Variants in MROH9 observed in about 807,000 individuals in gnomAD.
MROH9 encodes maestro heat like repeat family member 9.
MROH9 carries 92 observed loss-of-function variants against 98.2 expected under a neutral mutation model. The observed-to-expected ratio is 0.94, with a 90% CI of 0.79 to 1.11. The LOEUF is 1.11. Among genes scored for constraint, MROH9 ranks in the 50% most tolerant of loss-of-function variants. MROH9 has a pLI of 0.00. For synonymous variants in MROH9, 397 were observed against 368.9 expected, an observed-to-expected ratio of 1.08 and a Z score of -0.87; for missense variants, 1,057 against 1,014.8, an observed-to-expected ratio of 1.04 and a Z score of -0.57.
chr1:170,963,314 A>G (rs534470013), intron 6 of MROH9, among the ~76,000 whole-genome samples: 3 of 152,300 alleles, frequency 2.0e-5, no homozygotes, highest in African/African-American at 7.2e-5. Context: ...ACTATTCTTA[A>G]AAAGTCAAAA....
intron 3 of MROH9, among the ~76,000 whole-genome samples, chr1:170,949,356 A>G (rs1200751634): frequency 6.6e-6 from 1 of 152,064 alleles, no homozygotes; most frequent in Non-Finnish European, 1.5e-5. Flanking sequence ...AGGTGTATCT[A>G]GAATGAAGAC....
At chr1:171,005,071 T>C (rs1651910934) in intron 15 of MROH9, among the ~76,000 whole-genome samples, 1 of 152,070 alleles carries the variant, frequency 6.6e-6, no homozygotes, top group Non-Finnish European at 1.5e-5. Flanking sequence ...GGTATAGACA[T>C]TTTTATTTTT....
chr1:171,045,941 C>CT (rs1473592212), intron 20 of MROH9, among the ~76,000 whole-genome samples: 4 of 152,128 alleles, frequency 2.6e-5, no homozygotes, highest in African/African-American at 4.8e-5. Flanking sequence ...CTCTTTCACT[C>CT]TAATAGTATT....
chr1:170,992,621 G>C (rs1651402168), intron 12 of MROH9, among the ~76,000 whole-genome samples: 2 of 152,156 alleles, frequency 1.3e-5, no homozygotes, highest in Admixed American at 6.5e-5. Context: ...GCAAGGTTTA[G>C]GTAAGTTGGT....
At chr1:170,985,968 A>G (rs1478517714) in intron 9 of MROH9, among the ~76,000 whole-genome samples, 1 of 151,344 alleles carries the variant, frequency 6.6e-6, no homozygotes, top group Non-Finnish European at 1.5e-5. Context: ...TTTTTTCCAT[A>G]TAAAGGCAAA....
intron 3 of MROH9, among the ~76,000 whole-genome samples, chr1:170,950,676 T>C (rs1349014706): frequency 6.6e-6 from 1 of 152,142 alleles, no homozygotes; most frequent in African/African-American, 2.4e-5. Context: ...CATGCATGTG[T>C]ATTACCTTTT....
chr1:171,053,372 G>T (rs919973629), intron 20 of MROH9, among the ~76,000 whole-genome samples: 11 of 152,306 alleles, frequency 7.2e-5, no homozygotes, highest in Middle Eastern at 3.4e-3. Flanking sequence ...CATCCTAGGA[G>T]AAAGAGTAAA....
chr1:171,026,037 A>G (rs754724740), intron 20 of MROH9, among the ~76,000 whole-genome samples: 6 of 152,178 alleles, frequency 3.9e-5, no homozygotes, highest in Non-Finnish European at 7.3e-5. Flanking sequence ...CCCAGTTAGC[A>G]TCATGGAGTA....
At chr1:170,949,552 A>T (rs1301850827) in intron 3 of MROH9, among the ~76,000 whole-genome samples, 1 of 152,112 alleles carries the variant, frequency 6.6e-6, no homozygotes, top group African/African-American at 2.4e-5. Context: ...AATAACAGAC[A>T]TCTGAGTTGA....
chr1:170,954,616 T>C (rs1243457757), intron 3 of MROH9, among the ~76,000 whole-genome samples: 1 of 152,108 alleles, frequency 6.6e-6, no homozygotes, highest in Non-Finnish European at 1.5e-5. Flanking sequence ...TTTACGTTCA[T>C]GCCAAGGGTT....
intron 17 of MROH9, among the ~76,000 whole-genome samples, chr1:171,021,380 C>CA: frequency 6.6e-6 from 1 of 152,188 alleles, no homozygotes; most frequent in African/African-American, 2.4e-5. Context: ...CTACAGTATC[C>CA]AAAACAACAT....
rs145349860 is a variant in MROH9, at chr1:170,982,948, T to C, written c.617-474T>C. On this transcript the variant is annotated intron_variant, in intron 8 of 21. Transcript: ENST00000367759. ...AGTAAATAAATGTCAATTATATCTC[T>C]ATAGAGCTATTTAAAAACAAACAAA... Among the ~76,000 whole-genome samples the C allele has an allele frequency of 4.8e-3, 730 of 152,270 alleles. 7 individuals are homozygous for C. Among genetic ancestry groups the C allele is most frequent in the African/African-American group, 0.016 (676 of 41,564 alleles).
intron 15 of MROH9, among the ~76,000 whole-genome samples, chr1:171,005,076 ATTTT>A (rs946955504): frequency 1.3e-5 from 2 of 151,288 alleles, no homozygotes; most frequent in African/African-American, 4.9e-5. Flanking sequence ...AGACATTTTT[ATTTT>A]TTTGAGACAG....
At chr1:170,943,803 A>G (rs1456346689) in intron 1 of MROH9, among the ~76,000 whole-genome samples, 1 of 152,100 alleles carries the variant, frequency 6.6e-6, no homozygotes, top group South Asian at 2.1e-4. Context: ...ATGTGAAAAA[A>G]AATCAAGGAA....
At chr1:171,024,622 C>T (rs1571148162) in intron 18 of MROH9, 27 bp from the exon 19 acceptor site, 2 of 1,536,746 alleles carry the variant, frequency 1.3e-6, no homozygotes, top group East Asian at 2.5e-5. Context: ...ATGAATAGAT[C>T]TTCACCGGCC....
chr1:171,002,237 A>T (rs1651807798), intron 15 of MROH9, among the ~76,000 whole-genome samples: 1 of 152,172 alleles, frequency 6.6e-6, no homozygotes. Flanking sequence ...GACCATTTAC[A>T]TTCAATGTTA....
At chr1:170,961,449 A>G (rs968668993) in intron 5 of MROH9, among the ~76,000 whole-genome samples, 6 of 152,198 alleles carry the variant, frequency 3.9e-5, no homozygotes, top group African/African-American at 1.4e-4. Context: ...TAAATCCAAC[A>G]TATTGAATTC....
At chr1:171,060,894 T>C (rs1485218343) in intron 20 of MROH9, among the ~76,000 whole-genome samples, 1 of 152,098 alleles carries the variant, frequency 6.6e-6, no homozygotes, top group East Asian at 1.9e-4. Flanking sequence ...TACATTGAAA[T>C]TAGGGGTTTG....
intron 8 of MROH9, among the ~76,000 whole-genome samples, chr1:170,975,681 C>A (rs1299934074): frequency 6.6e-6 from 1 of 151,678 alleles, no homozygotes; most frequent in East Asian, 1.9e-4. Flanking sequence ...AGAAAATGAC[C>A]TTTTTTGCCT....
Sources: allele counts gnomAD v4.1 joint callset (sites outside exome capture counted in the v4.1 genomes callset), GRCh38; gene constraint gnomAD v4.1.1; transcripts MANE v1.5; gene names NCBI Gene and HGNC (gene_info 2026-07-23, HGNC 2026-07-21).